The following MYH3 variants were observed in gnomAD, a reference collection of about 807,000 sequenced individuals.
MYH3 encodes the protein myosin heavy chain 3.
Under a neutral mutation model 238.0 loss-of-function variants are expected in MYH3, and 130 were observed. The ratio of observed to expected loss-of-function variants is 0.55; its 90% CI spans 0.47 to 0.63. The LOEUF (loss-of-function observed/expected upper bound fraction) is 0.63. Among genes scored for constraint, MYH3 ranks in the 30% least tolerant of loss-of-function variants. The pLI is 0.00. For synonymous variants in MYH3, 880 were observed against 924.1 expected, an observed-to-expected ratio of 0.95 and a Z score of 0.86; for missense variants, 1,853 against 2,374.9, an observed-to-expected ratio of 0.78 and a Z score of 4.57.
rs1200807089 is a variant in MYH3 at position 10,632,771 on chromosome 17, T to A, written c.4661A>T (p.His1554Leu). ...ALEEAEAALE[H>L]EEAKILRIQL... is the part of the protein sequence containing the mutation. ...GATTCGGAGGATCTTGGCTTCTTCA[T>A]GCTCAAGAGCAGCCTTTAAGAAACA... is the stretch of plus-strand genomic sequence containing the variant. The change falls in exon 34 of 41, where the codon CAT (histidine) becomes CTT (leucine). Residue 1554 changes from histidine to leucine, a missense_variant. His to Leu is a moderately conservative substitution (Grantham distance 99). Transcript: ENST00000583535. 1 of 1,614,264 alleles carries A rather than the reference T, an allele frequency of 6.2e-7. No individual in the cohort carries two copies. The highest frequency in any genetic ancestry group is 8.5e-7 in the Non-Finnish European group (1 of 1,180,044).
upstream of MYH3, among the ~76,000 whole-genome samples, chr17:10,657,774 A>G (rs746522199): frequency 6.6e-6 from 1 of 152,234 alleles, no homozygotes; most frequent in Non-Finnish European, 1.5e-5. Context: ...GCAAGATTTT[A>G]TCACAACCTT....
chr17:10,659,837 G>A (rs536388471), upstream of MYH3, among the ~76,000 whole-genome samples: 10 of 152,338 alleles, frequency 6.6e-5, no homozygotes, highest in East Asian at 3.9e-4. Context: ...GAGGGCCAGC[G>A]TCAGGGATAG....
chr17:10,630,773 C>T (rs2074148497), intron 36 of MYH3, among the ~76,000 whole-genome samples: 1 of 151,984 alleles, frequency 6.6e-6, no homozygotes, highest in Non-Finnish European at 1.5e-5. Context: ...GTTGCTTGAA[C>T]CCAGGAGGAG....
Position 10,635,847 on chromosome 17 carries a change from A to C in MYH3, c.3863T>G (p.Leu1288Arg), listed in dbSNP as rs760622256. Reference sequence around the variant, plus strand: ...TTCTTTTTCTTCCAGCTGACGACTCAGCTCACCTGTGTCCAGAAGGAAATA... The same window carrying C: ...TTCTTTTTCTTCCAGCTGACGACTCCGCTCACCTGTGTCCAGAAGGAAATA... The part of the protein sequence containing the change: ...KSRLQTEAGE[L>R]SRQLEEKESI... Residue 1288 changes from leucine to arginine, a missense_variant, in exon 29 of 41, where the codon CTG becomes CGG. Transcript: ENST00000583535. 13 of 1,612,818 alleles carry C rather than the reference A, an allele frequency of 8.1e-6. No individual in the cohort carries two copies. Among genetic ancestry groups the C allele is most frequent in the Non-Finnish European group, 1.1e-5 (13 of 1,178,812 alleles).
rs1327832250 is a variant in MYH3 at position 10,635,815 on chromosome 17, C to T, written c.3895G>A (p.Val1299Ile). The change falls in exon 29 of 41, where the codon GTA (valine) becomes ATA (isoleucine). Residue 1299 changes from valine to isoleucine, a missense_variant. Val to Ile is a conservative substitution (Grantham distance 29). This residue lies in a region of MYH3 where 1,044 missense variants were observed against 1,192.6 expected (regional missense o/e 0.88). Coordinates refer to ENST00000583535, the MANE Select transcript of MYH3 (RefSeq NM_002470.4). ...SRQLEEKESI[V>I]SQLSRSKQAF... ...TGCTTGCTCCTGGAAAGTTGGGATA[C>T]TATGCTTTCTTTTTCTTCCAGCTGA... 1 of 1,614,168 alleles carries T rather than the reference C, an allele frequency of 6.2e-7. No homozygotes were observed. Among genetic ancestry groups the T allele is most frequent in the South Asian group, 1.1e-5 (1 of 91,088 alleles).
In MYH3 at chr17:10,641,254, G is replaced by A. The variant is rs746078956; in HGVS notation, c.2047+31C>T. ...TTACACAGAATTTCTTAAAAACTGA[G>A]CACCACCTAGCGAGCCAGCAGGTGT... is the stretch of plus-strand genomic sequence containing the variant. On this transcript the variant is annotated intron_variant, in intron 18 of 40. Transcript: ENST00000583535. 2.5e-6 allele frequency: 4 copies of A among 1,609,318 alleles called. No homozygotes were observed. The Admixed American group carries it at 6.7e-5, about 27-fold the overall frequency.
In MYH3 at chr17:10,632,541, T is replaced by A. The variant is rs2074173487; in HGVS notation, c.4891A>T (p.Ser1631Cys). Reference sequence around the variant, plus strand: ...TCCGCCGCCTGGCGGTTGGCGTGGCTCAGCTGGATCTCGATTTCATTCAGG... The same window carrying A: ...TCCGCCGCCTGGCGGTTGGCGTGGCACAGCTGGATCTCGATTTCATTCAGG... ...GDLNEIEIQL[S>C]HANRQAAETL... Residue 1631 changes from serine (S) to cysteine (C), a missense_variant, in exon 34 of 41, where the codon AGC becomes TGC. This residue lies in a region of MYH3 where 1,044 missense variants were observed against 1,192.6 expected (regional missense o/e 0.88). Transcript: ENST00000583535. 6.2e-7 allele frequency: 1 copy of A among 1,614,180 alleles called. No homozygotes were observed. Among genetic ancestry groups the A allele is most frequent in the Non-Finnish European group, 8.5e-7 (1 of 1,180,044 alleles).
chr17:10,631,425 T>C (rs2074155553), intron 36 of MYH3, among the ~76,000 whole-genome samples, 186 bp downstream of exon 36: 1 of 152,152 alleles, frequency 6.6e-6, no homozygotes, highest in African/African-American at 2.4e-5. Flanking sequence ...CTTCCTGCCT[T>C]TTTTTCTTAT....
At chr17:10,646,667 G>A (rs2074324525) in intron 10 of MYH3, among the ~76,000 whole-genome samples, 1 of 152,214 alleles carries the variant, frequency 6.6e-6, no homozygotes, top group African/African-American at 2.4e-5. Context: ...GAGCTGGTCA[G>A]GAGTGGTCTA....
In MYH3 at chr17:10,654,914, T is replaced by G. The variant is rs779493094; in HGVS notation, c.151A>C (p.Lys51Gln). The change falls in exon 3 of 41, where the codon AAA becomes CAA. Residue 51 changes from lysine (K) to glutamine (Q), a missense_variant. Around this residue, in one of 3 missense-constraint regions of MYH3, gnomAD observed 131 missense variants for 123.5 expected, o/e 1.06. Transcript: ENST00000583535. The surrounding 1 kb of genome is among the most constrained non-coding windows in gnomAD (Gnocchi z 4.5). ...TTCCCATCCTGAGAACTCTTGATTT[T>G]CCCCTTGGCATATTCTTCCTTTGAG... The part of the protein sequence containing the change: ...VDSKEEYAKG[K>Q]IKSSQDGKVT... The G allele has an allele frequency of 3.1e-6, 5 of 1,614,176 alleles. No homozygotes were observed. Among genetic ancestry groups the G allele is most frequent in the Non-Finnish European group, 4.2e-6 (5 of 1,180,042 alleles).
At chr17:10,667,766 T>C in the MYH3 span, among the ~76,000 whole-genome samples, 1 of 149,180 alleles carries the variant, frequency 6.7e-6, no homozygotes. Flanking sequence ...AAAAAAACAG[T>C]GTTCTGGAAT....
chr17:10,653,528 G>A (rs928737140), intron 3 of MYH3, among the ~76,000 whole-genome samples: 1 of 152,064 alleles, frequency 6.6e-6, no homozygotes, highest in Non-Finnish European at 1.5e-5. Context: ...CCAGGCAAAC[G>A]GCACCATGAG....
At chr17:10,655,322 C>A (rs774284120) in intron 2 of MYH3, among the ~76,000 whole-genome samples, 1 of 152,206 alleles carries the variant, frequency 6.6e-6, no homozygotes, top group African/African-American at 2.4e-5. Flanking sequence ...TTAACCCAAG[C>A]TCCTCAAGCA....
At chr17:10,652,193 C>T in intron 4 of MYH3, 1 of 622,246 alleles carries the variant, frequency 1.6e-6, no homozygotes, top group East Asian at 3.1e-5. Context: ...AGCCTGGCCC[C>T]AGCTTCCCCG....
In MYH3 at chr17:10,638,028, C is replaced by G. The variant is rs185230952; in HGVS notation, c.3729+15G>C. 20 of 1,614,022 alleles carry G rather than the reference C, an allele frequency of 1.2e-5. No homozygotes were observed. Among genetic ancestry groups the G allele is most frequent in the Non-Finnish European group, 1.7e-5 (20 of 1,180,020 alleles). On this transcript the variant is annotated intron_variant, in intron 27 of 40. Transcript: ENST00000583535. ...CTGATGGAAAGCCTTGAGCCACCCC[C>G]ACCCCGCGCAGCACCTTAGATTTCG...
intron 5 of MYH3, 103 bp from the exon 6 acceptor site, chr17:10,650,504 TC>T: frequency 9.4e-7 from 1 of 1,065,606 alleles, no homozygotes; most frequent in Non-Finnish European, 1.4e-6. Flanking sequence ...CAATTCCTCT[TC>T]CTTTACATTT....
chr17:10,674,449 A>G, the MYH3 span: 1 of 289,056 alleles, frequency 3.5e-6, no homozygotes, highest in Non-Finnish European at 6.8e-6. Context: ...CAAACAAACA[A>G]AAAAACAGAC....
chr17:10,630,733 C>T (rs2074148127), intron 36 of MYH3, among the ~76,000 whole-genome samples: 1 of 152,126 alleles, frequency 6.6e-6, no homozygotes, highest in South Asian at 2.1e-4. Flanking sequence ...TGCCCGTATT[C>T]CCAGCTACTC....
intron 2 of MYH3, among the ~76,000 whole-genome samples, chr17:10,655,286 T>A (rs1047485678): frequency 1.3e-5 from 2 of 152,166 alleles, no homozygotes; most frequent in Non-Finnish European, 2.9e-5. Context: ...TTGAGGGGCT[T>A]CTTGTGCGAC....
Sources: allele counts gnomAD v4.1 joint callset (sites outside exome capture counted in the v4.1 genomes callset), GRCh38; gene constraint gnomAD v4.1.1; regional missense constraint gnomAD v4.1.1; non-coding constraint Gnocchi (gnomAD v3.1); transcripts MANE v1.5; gene names NCBI Gene and HGNC (gene_info 2026-07-23, HGNC 2026-07-21).